Variants in CHN2 observed in about 807,000 individuals in gnomAD.
The protein encoded by CHN2 is chimerin 2.
A neutral mutation model predicts 56.3 loss-of-function variants in CHN2; 35 were observed. The observed-to-expected ratio is 0.62, with a 90% confidence interval of 0.47 to 0.82. CHN2 has a LOEUF of 0.82. Ranked by LOEUF, CHN2 falls within the 40% of genes least tolerant of loss-of-function variation. CHN2 has a pLI of 0.00. For synonymous variants in CHN2, 210 were observed against 212.8 expected, an observed-to-expected ratio of 0.99 and a Z score of 0.12; for missense variants, 491 against 580.5, an observed-to-expected ratio of 0.85 and a Z score of 1.58.
At position 29,398,364 on chromosome 7, in the gene CHN2, T is replaced by C; in HGVS notation, c.177-9T>C. On this transcript the variant is annotated splice_polypyrimidine_tract_variant and intron_variant, in intron 4 of 12. Transcript: ENST00000222792. ...TCTGTTCAGAGCATTGATGGTCTTG[T>C]ACCTTCAGGTTTCATGGGATCATCT... 6.3e-7 allele frequency: 1 copy of C among 1,595,974 alleles called. No homozygotes were observed. Among genetic ancestry groups the C allele is most frequent in the Admixed American group, 1.7e-5 (1 of 59,990 alleles).
chr7:29,495,898 C>T, intron 7 of CHN2, 54 bp from the exon 8 acceptor site: 1 of 1,484,484 alleles, frequency 6.7e-7, no homozygotes, highest in Admixed American at 1.7e-5. Flanking sequence ...CTGAGGCTAC[C>T]TGCCTTTAAA....
intron 1 of CHN2, among the ~76,000 whole-genome samples, chr7:29,212,043 T>C (rs1784998292): frequency 6.6e-6 from 1 of 152,188 alleles, no homozygotes; most frequent in Non-Finnish European, 1.5e-5. Flanking sequence ...AATCCCAGGC[T>C]TGGCATCATT....
At chr7:29,342,732 A>G (rs1279519646) in intron 1 of CHN2, among the ~76,000 whole-genome samples, 1 of 152,160 alleles carries the variant, frequency 6.6e-6, no homozygotes, top group Non-Finnish European at 1.5e-5. Context: ...GAGTAAAATA[A>G]TCTTCTCCCT....
intron 1 of CHN2, among the ~76,000 whole-genome samples, chr7:29,224,384 G>A (rs1034364934): frequency 6.6e-6 from 1 of 152,168 alleles, no homozygotes; most frequent in Non-Finnish European, 1.5e-5. Flanking sequence ...TCATAACTAA[G>A]TAACATTAAG....
Position 29,251,228 on chromosome 7 carries a change from G to A in CHN2, c.49+56238G>A, listed in dbSNP as rs539083464. Among the ~76,000 whole-genome samples, 94 of 152,266 alleles carry A rather than the reference G, an allele frequency of 6.2e-4. No individual in the cohort carries two copies. In the South Asian group the frequency reaches 0.018, roughly 29 times the overall value. ...AGCCCTTTGAGGGGCCAAGGCTGGC[G>A]GATCGCTTGAGCCCAGCAGTTCGAG... On this transcript the variant is annotated intron_variant, in intron 1 of 12. Coordinates refer to ENST00000222792, the MANE Select transcript of CHN2 (RefSeq NM_004067.4).
chr7:29,265,350 C>T (rs1330899543), intron 1 of CHN2, among the ~76,000 whole-genome samples: 1 of 152,212 alleles, frequency 6.6e-6, no homozygotes, highest in African/African-American at 2.4e-5. Context: ...TGCCAAAGAA[C>T]AGGGCACAAC....
At chr7:29,408,374 G>A (rs907242451) in intron 6 of CHN2, among the ~76,000 whole-genome samples, 1 of 152,102 alleles carries the variant, frequency 6.6e-6, no homozygotes, top group African/African-American at 2.4e-5. Context: ...CGAGAGTAAA[G>A]GTGATCAGAC....
chr7:29,459,702 GGT>G (rs1415331172), intron 6 of CHN2, among the ~76,000 whole-genome samples: 1 of 152,140 alleles, frequency 6.6e-6, no homozygotes, highest in Non-Finnish European at 1.5e-5. Context: ...CCGCAGGCCA[GGT>G]GTGACATCAG....
chr7:29,160,128 G>T lies in CHN2; in HGVS notation c.274+13168G>T, dbSNP rs73688309. 5.8e-3 allele frequency among the ~76,000 whole-genome samples: 875 copies of T among 152,166 alleles called. 10 individuals carry two copies. Among genetic ancestry groups the T allele is most frequent in the African/African-American group, 0.019 (792 of 41,524 alleles). ...AAGCTCACTTTCCTAAGATCAACAT[G>T]GTTTCCTGGCCCTCATAATATTTCT... is the stretch of plus-strand genomic sequence containing the variant. On this transcript the variant is annotated intron_variant, in intron 2 of 6. Transcript: ENST00000439384.
intron 2 of CHN2, among the ~76,000 whole-genome samples, chr7:29,159,173 G>C (rs934658914): frequency 6.6e-6 from 1 of 152,206 alleles, no homozygotes; most frequent in Non-Finnish European, 1.5e-5. Flanking sequence ...CCTGCAAGCA[G>C]ATTTCTTTAT....
At position 29,457,358 on chromosome 7, in the gene CHN2, G is replaced by C. The variant is rs76539572; in HGVS notation, c.577-22921G>C. Among the ~76,000 whole-genome samples the C allele has an allele frequency of 1.4e-4, 22 of 152,262 alleles. No homozygotes were observed. The East Asian group carries it at 3.9e-3, about 27-fold the overall frequency. The stretch of plus-strand genomic sequence containing the variant: ...AATAGGGTCGTGACCTCCTTGGAAA[G>C]GGAGACCATGTTCCTTGCATTGTCA... On this transcript the variant is annotated intron_variant, in intron 6 of 12. Transcript: ENST00000222792.
intron 1 of CHN2, among the ~76,000 whole-genome samples, chr7:29,281,723 A>G (rs979639194): frequency 6.6e-6 from 1 of 152,182 alleles, no homozygotes; most frequent in African/African-American, 2.4e-5. Flanking sequence ...TGCTGCTGGG[A>G]GAAGTGATGG....
At chr7:29,319,306 G>A (rs1795174490) in intron 1 of CHN2, among the ~76,000 whole-genome samples, 3 of 152,080 alleles carry the variant, frequency 2.0e-5, no homozygotes, top group South Asian at 2.1e-4. Flanking sequence ...AACACAGATC[G>A]CTTTAAGTAC....
chr7:29,480,247 G>T (rs1393329023), intron 6 of CHN2, 32 bp from the exon 7 acceptor site: 3 of 1,614,002 alleles, frequency 1.9e-6, no homozygotes. Flanking sequence ...GGCTTTCTTT[G>T]GCCCCCTCTC....
At chr7:29,436,331 G>T (rs2128119527) in intron 6 of CHN2, among the ~76,000 whole-genome samples, 1 of 152,246 alleles carries the variant, frequency 6.6e-6, no homozygotes. Context: ...TTTAAAGTAG[G>T]TAAATTGGCT....
intron 6 of CHN2, among the ~76,000 whole-genome samples, chr7:29,441,293 T>C (rs1169573666): frequency 6.6e-6 from 1 of 152,214 alleles, no homozygotes; most frequent in African/African-American, 2.4e-5. Flanking sequence ...CCTCACACCA[T>C]CTACATGAAC....
At chr7:29,177,969 C>G (rs1797577630) in intron 2 of CHN2, among the ~76,000 whole-genome samples, 1 of 152,162 alleles carries the variant, frequency 6.6e-6, no homozygotes. Context: ...CAAGCCCTCA[C>G]CATCACAGCA....
At chr7:29,234,360 A>T (rs1345874643) in intron 1 of CHN2, among the ~76,000 whole-genome samples, 1 of 152,222 alleles carries the variant, frequency 6.6e-6, no homozygotes, top group African/African-American at 2.4e-5. Context: ...ACCATTTCTT[A>T]AAGCAGCAGA....
intron 6 of CHN2, among the ~76,000 whole-genome samples, chr7:29,427,694 G>C (rs1405647885): frequency 8.3e-6 from 1 of 120,698 alleles, no homozygotes; most frequent in Non-Finnish European, 1.6e-5. Flanking sequence ...GTCTCACTCT[G>C]TTGCCAGGCT....
Sources: allele counts gnomAD v4.1 joint callset (sites outside exome capture counted in the v4.1 genomes callset), GRCh38; gene constraint gnomAD v4.1.1; transcripts MANE v1.5; gene names NCBI Gene and HGNC (gene_info 2026-07-23, HGNC 2026-07-21).